Variants in MLEC observed in about 807,000 individuals in gnomAD.
The protein encoded by MLEC is oligosaccharyltransferase complex subunit (non-catalytic).
A neutral mutation model predicts 28.7 loss-of-function variants in MLEC; 7 were observed. The observed-to-expected ratio is 0.24, with a 90% confidence interval of 0.14 to 0.46. The LOEUF (loss-of-function observed/expected upper bound fraction) is 0.46. Among genes scored for constraint, MLEC ranks in the 20% least tolerant of loss-of-function variants. The pLI is 0.99. For missense variants in MLEC, 237 were observed against 391.1 expected, an observed-to-expected ratio of 0.61 and a Z score of 3.32; for synonymous variants, 142 against 164.4, an observed-to-expected ratio of 0.86 and a Z score of 1.04.
Position 120,696,463 on chromosome 12 carries a change from C to T in MLEC, c.797C>T (p.Ser266Leu), listed in dbSNP as rs778275610. The T allele has an allele frequency of 2.5e-6, 4 of 1,614,182 alleles. No homozygotes were observed. Among genetic ancestry groups the T allele is most frequent in the Non-Finnish European group, 3.4e-6 (4 of 1,180,022 alleles). Reference protein sequence around the residue: ...SGPRTPNPYASDNSSLMFPIL... With the variant: ...SGPRTPNPYALDNSSLMFPIL... ...CCCCGCACACCCAACCCCTATGCCT[C>T]GGACAACAGCAGCCTCATGTTTCCC... The change falls in exon 5 of 5, where the codon TCG (serine) becomes TTG (leucine). Residue 266 changes from serine (S) to leucine (L), a missense_variant. Coordinates refer to ENST00000228506, the MANE Select transcript of MLEC (RefSeq NM_014730.4). The surrounding 1 kb of genome is among the most constrained non-coding windows in gnomAD (Gnocchi z 5.4).
chr12:120,692,778 A>G (rs1358839557), intron 1 of MLEC, among the ~76,000 whole-genome samples: 1 of 151,234 alleles, frequency 6.6e-6, no homozygotes. Context: ...AGGAGAGACT[A>G]CATGACGGCT....
At position 120,694,841 on chromosome 12, in the gene MLEC, G is replaced by A. The variant is rs1369988985; in HGVS notation, c.432G>A (p.Leu144=). ...QSQQKVFDVR[L]NGHVVVKDLD... ...CCTGGAAGGTATTTGATGTACGATT[G>A]AATGGCCACGTCGTGGTGAAGGACT... The change falls in exon 3 of 5, where the codon TTG becomes TTA. Residue 144 remains leucine, a synonymous_variant. Transcript: ENST00000228506. This position sits in a 1 kb window ranked among gnomAD's most constrained non-coding sequence, Gnocchi z 4.5. 1 of 1,612,512 alleles carries A rather than the reference G, an allele frequency of 6.2e-7. No individual in the cohort carries two copies. The highest frequency in any genetic ancestry group is 8.5e-7 in the Non-Finnish European group (1 of 1,179,112).
intron 4 of MLEC, 116 bp downstream of exon 4, chr12:120,695,268 G>A: frequency 8.9e-7 from 1 of 1,125,284 alleles, no homozygotes; most frequent in South Asian, 1.3e-5. Flanking sequence ...TAAATTGTAG[G>A]GGATTCAGAA....
chr12:120,688,838 A>G (rs1009355051), intron 1 of MLEC, among the ~76,000 whole-genome samples: 1 of 152,234 alleles, frequency 6.6e-6, no homozygotes, highest in African/African-American at 2.4e-5. Flanking sequence ...AGATCACAGT[A>G]GCCTGGGTTC....
At chr12:120,691,034 A>G (rs932358619) in intron 1 of MLEC, among the ~76,000 whole-genome samples, 2 of 152,140 alleles carry the variant, frequency 1.3e-5, no homozygotes, top group Non-Finnish European at 2.9e-5. Context: ...TGACCAGGAG[A>G]TCTGAGGGTA....
At chr12:120,690,225 G>T (rs1250015935) in intron 1 of MLEC, among the ~76,000 whole-genome samples, 1 of 152,006 alleles carries the variant, frequency 6.6e-6, no homozygotes, top group Non-Finnish European at 1.5e-5. Context: ...TGCCCAGGCT[G>T]GTCTTGAACT....
Position 120,696,216 on chromosome 12 carries a change from C to A in MLEC, c.650-100C>A. On this transcript the variant is annotated intron_variant, in intron 4 of 4. Coordinates refer to ENST00000228506, the MANE Select transcript of MLEC (RefSeq NM_014730.4). This position sits in a 1 kb window ranked among gnomAD's most constrained non-coding sequence, Gnocchi z 5.4. ...CTGGTCTTTTCTCTGGACCCGGGTT[C>A]AATCACAGCAATCTCTTTATTGTGG... 1 of 1,467,676 alleles carries A rather than the reference C, an allele frequency of 6.8e-7. No individual in the cohort carries two copies. The highest frequency in any genetic ancestry group is 9.2e-7 in the Non-Finnish European group (1 of 1,082,886). 90.9% of individuals were successfully genotyped at this position (1,467,676 alleles called of 1,614,324 possible).
chr12:120,689,204 GGTGTGT>G lies in MLEC; in HGVS notation c.235+1698_235+1703del, dbSNP rs63092860. Among the ~76,000 whole-genome samples the G allele has an allele frequency of 3.0e-4, 45 of 149,072 alleles. 1 individual carries two copies. In the East Asian group the frequency reaches 4.3e-3, roughly 14 times the overall value. On this transcript the variant is annotated intron_variant, in intron 1 of 4. Coordinates refer to ENST00000228506, the MANE Select transcript of MLEC (RefSeq NM_014730.4). ...CTGGTTTTAATTTGCTGATGCAGGT[GGTGTGT>G]GTGTGTGTGTGTGTGTGTGTGTGTT...
chr12:120,697,985 C>T lies in MLEC; in HGVS notation c.*1440C>T, dbSNP rs1882301221. 6.6e-6 allele frequency: 1 copy of T among 152,158 alleles called. No homozygotes were observed. The highest frequency in any genetic ancestry group is 2.4e-5 in the African/African-American group (1 of 41,422). The allele number at this position is 152,158 out of a possible 1,614,324, so 9.4% of individuals were successfully genotyped here. ...AGCATCTAAGTGTCGATCTTGAATT[C>T]CCTGAAAAAATTTCTATAGGAAATG... On this transcript the variant is annotated 3_prime_UTR_variant, in exon 5 of 5. Transcript: ENST00000228506. This position sits in a 1 kb window ranked among gnomAD's most constrained non-coding sequence, Gnocchi z 4.8.
In MLEC at chr12:120,694,736, C is replaced by A; in HGVS notation, c.415-88C>A. 3.0e-6 allele frequency: 4 copies of A among 1,312,162 alleles called. No homozygotes were observed. Among genetic ancestry groups the A allele is most frequent in the Admixed American group, 2.2e-5 (1 of 45,260 alleles). The allele number at this position is 1,312,162 out of a possible 1,614,324, so 81.3% of individuals were successfully genotyped here. A position where few individuals can be genotyped will look rare whatever the true frequency, so the allele number is the denominator to read the frequency against. ...CATTTCTTAAATTATTTTTGAACTT[C>A]AAGCCCAAACACGTGCATGATGTCC... On this transcript the variant is annotated intron_variant, in intron 2 of 4. Transcript: ENST00000228506. The surrounding 1 kb of genome is among the most constrained non-coding windows in gnomAD (Gnocchi z 4.5).
rs554443807 is a variant in MLEC, at chr12:120,697,871, C to T, written c.*1326C>T. 7 of 152,382 alleles carry T rather than the reference C, an allele frequency of 4.6e-5. No homozygotes were observed. Among genetic ancestry groups the T allele is most frequent in the African/African-American group, 1.7e-4 (7 of 41,570 alleles). 9.4% of individuals were successfully genotyped at this position (152,382 alleles called of 1,614,324 possible). Reference sequence around the variant, plus strand: ...CCCTCCTTCCCCTGTCCTTTCATTTCTCTATCCAAGTAGCAGTCAGGTTCT... The same window carrying T: ...CCCTCCTTCCCCTGTCCTTTCATTTTTCTATCCAAGTAGCAGTCAGGTTCT... On this transcript the variant is annotated 3_prime_UTR_variant, in exon 5 of 5. Transcript: ENST00000228506. The surrounding 1 kb of genome is among the most constrained non-coding windows in gnomAD (Gnocchi z 4.8).
chr12:120,695,298 G>A, intron 4 of MLEC, 146 bp downstream of exon 4: 4 of 871,414 alleles, frequency 4.6e-6, no homozygotes, highest in Non-Finnish European at 7.5e-6. Context: ...TAAGGATGAA[G>A]CATAACATGG....
intron 4 of MLEC, 96 bp downstream of exon 4, chr12:120,695,248 C>A: frequency 7.7e-7 from 1 of 1,303,354 alleles, no homozygotes; most frequent in Non-Finnish European, 1.1e-6. Context: ...ATTTTGGAAA[C>A]ACTTAAAGCT....
intron 1 of MLEC, among the ~76,000 whole-genome samples, chr12:120,688,553 A>T (rs1175262496): frequency 2.0e-5 from 3 of 152,232 alleles, no homozygotes; most frequent in African/African-American, 7.2e-5. Flanking sequence ...TTGATACTGT[A>T]TGCTGGGTTC....
rs1881878107 is a variant in MLEC, at chr12:120,687,659, A to G, written c.235+128A>G. 6 of 653,766 alleles carry G rather than the reference A, an allele frequency of 9.2e-6. No individual in the cohort carries two copies. The highest frequency in any genetic ancestry group is 1.4e-5 in the Non-Finnish European group (6 of 431,516). The allele number at this position is 653,766 out of a possible 1,614,324, so 40.5% of individuals were successfully genotyped here. ...TCTCTGGAGCGAAGTTTCTCTCTGC[A>G]GCTTCTTCGGGGGCCCGCTCTGAGC... On this transcript the variant is annotated intron_variant, in intron 1 of 4. Coordinates refer to ENST00000228506, the MANE Select transcript of MLEC (RefSeq NM_014730.4). The surrounding 1 kb of genome is among the most constrained non-coding windows in gnomAD (Gnocchi z 8.1).
At chr12:120,688,744 T>A (rs1881924481) in intron 1 of MLEC, among the ~76,000 whole-genome samples, 1 of 152,246 alleles carries the variant, frequency 6.6e-6, no homozygotes. Context: ...GTTTATTGCC[T>A]TTCACACATG....
At chr12:120,692,061 G>A (rs1443584472) in intron 1 of MLEC, among the ~76,000 whole-genome samples, 1 of 152,202 alleles carries the variant, frequency 6.6e-6, no homozygotes, top group African/African-American at 2.4e-5. Flanking sequence ...TTGGGAGGCT[G>A]AGGCAGGAGA....
In MLEC at chr12:120,699,623, A is replaced by G. The variant is rs1342686538; in HGVS notation, c.*3078A>G. ...TAAACCAGACTCACTTTTCTGAAAAATCTCCATTGTTGAGGAGAGGCTGCT... is the reference window on the plus strand; with the variant it reads ...TAAACCAGACTCACTTTTCTGAAAAGTCTCCATTGTTGAGGAGAGGCTGCT... On this transcript the variant is annotated 3_prime_UTR_variant, in exon 5 of 5. Transcript: ENST00000228506. 6.6e-6 allele frequency: 1 copy of G among 151,970 alleles called. No individual in the cohort carries two copies. The highest frequency in any genetic ancestry group is 1.5e-5 in the Non-Finnish European group (1 of 68,010). The allele number at this position is 151,970 out of a possible 1,614,324, so 9.4% of individuals were successfully genotyped here.
intron 1 of MLEC, among the ~76,000 whole-genome samples, chr12:120,691,202 C>T (rs552131629): frequency 2.1e-4 from 32 of 152,362 alleles, no homozygotes; most frequent in African/African-American, 4.8e-4. Context: ...ATTCCCTAAA[C>T]TGCCTTGAGT....
Sources: gnomAD v4.1 joint callset for allele counts (sites outside exome capture counted in the v4.1 genomes callset) on GRCh38, gnomAD v4.1.1 for gene constraint, Gnocchi (gnomAD v3.1) non-coding constraint, MANE v1.5 for transcripts, NCBI Gene and HGNC (gene_info 2026-07-23, HGNC 2026-07-21) for gene names.